The following EXOC2 variants were observed in gnomAD, a reference collection of about 807,000 sequenced individuals.
The protein encoded by EXOC2 is SEC5-like 1.
A neutral mutation model predicts 131.8 loss-of-function variants in EXOC2; 70 were observed. The ratio of observed to expected loss-of-function variants is 0.53; its 90% CI spans 0.44 to 0.65. EXOC2 has a LOEUF of 0.65. EXOC2 is among the 30% of genes least tolerant of loss of function. The probability of loss-of-function intolerance (pLI) is 0.00; values close to 1 mark genes in which losing one functional copy is unlikely to be tolerated. For missense variants in EXOC2, 923 were observed against 1,108.6 expected (o/e 0.83, Z 2.38); for synonymous variants, 411 against 398.4 (o/e 1.03, Z -0.38).
At chr6:495,350 T>G (rs958872600) in intron 25 of EXOC2, among the ~76,000 whole-genome samples, 1 of 151,684 alleles carries the variant, frequency 6.6e-6, no homozygotes, top group Non-Finnish European at 1.5e-5. Context: ...GGTCTCGATC[T>G]CCTGACCTCG....
chr6:518,133 T>A (rs1034109453), intron 23 of EXOC2, among the ~76,000 whole-genome samples: 15 of 152,360 alleles, frequency 9.8e-5, no homozygotes, highest in African/African-American at 3.6e-4. Context: ...CTGTTAACTT[T>A]CTCCAGATCT....
intron 27 of EXOC2, among the ~76,000 whole-genome samples, chr6:488,052 A>AG (rs1408905657): frequency 2.0e-5 from 3 of 152,232 alleles, no homozygotes; most frequent in African/African-American, 7.2e-5. Flanking sequence ...AGAAAAAGGA[A>AG]GAAAGGGCTG....
At chr6:651,637 A>G (rs1762834622) in intron 1 of EXOC2, among the ~76,000 whole-genome samples, 1 of 151,436 alleles carries the variant, frequency 6.6e-6, no homozygotes, top group South Asian at 2.1e-4. Flanking sequence ...TGGGCAACAG[A>G]GCAAGACTCC....
intron 4 of EXOC2, among the ~76,000 whole-genome samples, chr6:622,942 C>T (rs1581576829): frequency 6.6e-6 from 1 of 152,326 alleles, no homozygotes; most frequent in South Asian, 2.1e-4. Flanking sequence ...ACATAAAGGC[C>T]TGATGTCTAG....
At chr6:629,251 A>G (rs909113689) in intron 4 of EXOC2, among the ~76,000 whole-genome samples, 8 of 152,244 alleles carry the variant, frequency 5.3e-5, no homozygotes, top group African/African-American at 1.9e-4. Flanking sequence ...TGCGATTAAC[A>G]CATTAGGTGA....
At chr6:658,665 A>ATATATATATATATATATATATATAT (rs1374453663) in intron 1 of EXOC2, among the ~76,000 whole-genome samples, 1 of 115,546 alleles carries the variant, frequency 8.7e-6, no homozygotes, top group African/African-American at 3.3e-5. Context: ...ATATATATAT[A>ATATATATATATATATATATATATAT]TTTTTTTTTT....
chr6:665,263 A>G (rs1271429409), intron 1 of EXOC2, among the ~76,000 whole-genome samples: 1 of 152,212 alleles, frequency 6.6e-6, no homozygotes, highest in South Asian at 2.1e-4. Context: ...GAATGGCCAT[A>G]ATCGAAAAAT....
chr6:562,299 T>C (rs927330322), intron 17 of EXOC2, among the ~76,000 whole-genome samples: 2 of 138,570 alleles, frequency 1.4e-5, no homozygotes, highest in Admixed American at 7.0e-5. Context: ...CGTGAAATCA[T>C]GAAGATGATT....
At chr6:636,170 T>C (rs1190584148) in intron 2 of EXOC2, among the ~76,000 whole-genome samples, 2 of 152,246 alleles carry the variant, frequency 1.3e-5, no homozygotes, top group Non-Finnish European at 2.9e-5. Context: ...ACTATTGTCA[T>C]GTTTGGGAGC....
chr6:531,568 C>T (rs1251719160), intron 23 of EXOC2, among the ~76,000 whole-genome samples: 1 of 152,214 alleles, frequency 6.6e-6, no homozygotes, highest in Non-Finnish European at 1.5e-5. Flanking sequence ...TACGTGAACA[C>T]TATACAATAA....
At chr6:609,321 T>C (rs1049784328) in intron 7 of EXOC2, among the ~76,000 whole-genome samples, 1 of 152,236 alleles carries the variant, frequency 6.6e-6, no homozygotes, top group Non-Finnish European at 1.5e-5. Flanking sequence ...TTAACTCTAC[T>C]TCCTGATGAG....
intron 27 of EXOC2, among the ~76,000 whole-genome samples, chr6:487,035 A>ATGTT (rs1473986334): frequency 1.3e-5 from 2 of 152,202 alleles, no homozygotes; most frequent in African/African-American, 4.8e-5. Flanking sequence ...ATACAGACTG[A>ATGTT]TGTTTGGGCC....
At chr6:618,178 C>T (rs1761107640) in intron 5 of EXOC2, among the ~76,000 whole-genome samples, 2 of 152,092 alleles carry the variant, frequency 1.3e-5, no homozygotes. Context: ...ACATCCTGTA[C>T]TAGGTAAGAA....
At chr6:668,591 A>C in intron 1 of EXOC2, among the ~76,000 whole-genome samples, 1 of 151,096 alleles carries the variant, frequency 6.6e-6, no homozygotes, top group Non-Finnish European at 1.5e-5. Context: ...CAACAACCTA[A>C]CCTCCCTCAG....
chr6:624,471 A>G (rs748031497), intron 4 of EXOC2, among the ~76,000 whole-genome samples: 7 of 152,190 alleles, frequency 4.6e-5, no homozygotes, highest in Non-Finnish European at 8.8e-5. Context: ...ATTTGCTATT[A>G]TTTTTATTAT....
intron 6 of EXOC2, among the ~76,000 whole-genome samples, chr6:616,617 A>AC (rs1554138194): frequency 2.0e-4 from 30 of 151,070 alleles, no homozygotes; most frequent in African/African-American, 7.3e-4. Context: ...AAAAAAAAAA[A>AC]AAAAAACTAA....
chr6:630,021 TCTGGC>T, intron 3 of EXOC2, 60 bp from the exon 4 acceptor site: 4 of 1,587,354 alleles, frequency 2.5e-6, no homozygotes, highest in Non-Finnish European at 3.4e-6. Flanking sequence ...ACCTTCTACG[TCTGGC>T]CTATTGTCTG....
intron 12 of EXOC2, among the ~76,000 whole-genome samples, chr6:575,456 A>ACTCCCTCTCCATCCTCTCCCTCG (rs750478412): frequency 0.32 from 31,387 of 97,506 alleles, 10,504 homozygotes; most frequent in Admixed American, 0.48. Flanking sequence ...CCTCTCCCTC[A>ACTCCCTCTCCATCCTCTCCCTCG]CTCCCTCTCC....
At chr6:561,079 C>A (rs1420539089) in intron 17 of EXOC2, among the ~76,000 whole-genome samples, 1 of 152,108 alleles carries the variant, frequency 6.6e-6, no homozygotes, top group African/African-American at 2.4e-5. Flanking sequence ...AAATAATAAA[C>A]TTCCCTAACT....
Sources: allele counts gnomAD v4.1 joint callset (sites outside exome capture counted in the v4.1 genomes callset), GRCh38; gene constraint gnomAD v4.1.1; transcripts MANE v1.5; gene names NCBI Gene and HGNC (gene_info 2026-07-23, HGNC 2026-07-21).